Variants in ARHGAP39 observed in about 807,000 individuals in gnomAD.
ARHGAP39 encodes the protein Rho GTPase activating protein 39, also known as rho GTPase-activating protein 39.
A neutral mutation model predicts 106.9 loss-of-function variants in ARHGAP39; 44 were observed. The ratio of observed to expected loss-of-function variants is 0.41; its 90% confidence interval spans 0.32 to 0.53. ARHGAP39 has a LOEUF of 0.53. Ranked by LOEUF, ARHGAP39 falls within the 20% of genes least tolerant of loss-of-function variation. The probability of loss-of-function intolerance (pLI) is 0.21; values close to 1 mark genes in which losing one functional copy is unlikely to be tolerated. For missense variants in ARHGAP39, 1,496 were observed against 1,577.3 expected, an observed-to-expected ratio of 0.95 and a Z score of 0.87; for synonymous variants, 768 against 693.2, an observed-to-expected ratio of 1.11 and a Z score of -1.69.
chr8:144,543,225 C>T (rs1278673188), intron 6 of ARHGAP39, among the ~76,000 whole-genome samples: 1 of 152,174 alleles, frequency 6.6e-6, no homozygotes, highest in African/African-American at 2.4e-5. Context: ...ATCCTCTTGC[C>T]TTGGCCCAGA....
intron 1 of ARHGAP39, among the ~76,000 whole-genome samples, chr8:144,627,213 G>A (rs1348615876): frequency 6.6e-6 from 1 of 152,134 alleles, no homozygotes. Flanking sequence ...GGGCTCTGGT[G>A]TCACCCTTCA....
intron 1 of ARHGAP39, among the ~76,000 whole-genome samples, chr8:144,657,209 AAAAT>A (rs1456582365): frequency 3.3e-5 from 5 of 152,112 alleles, no homozygotes; most frequent in East Asian, 1.9e-4. Flanking sequence ...GTCTCTGAAA[AAAAT>A]AAATAAAATA....
chr8:144,541,914 T>C (rs1374466233), intron 6 of ARHGAP39, among the ~76,000 whole-genome samples: 1 of 152,190 alleles, frequency 6.6e-6, no homozygotes, highest in African/African-American at 2.4e-5. Context: ...TTTTAATTAT[T>C]TGAGGAACTG....
chr8:144,574,009 C>T (rs1041957605), intron 3 of ARHGAP39, among the ~76,000 whole-genome samples: 3 of 151,846 alleles, frequency 2.0e-5, no homozygotes, highest in African/African-American at 7.3e-5. Context: ...CTCGTCTCTA[C>T]TAAAAATACA....
chr8:144,693,089 G>A, the ARHGAP39 span, among the ~76,000 whole-genome samples: 1 of 89,632 alleles, frequency 1.1e-5, no homozygotes, highest in Non-Finnish European at 2.1e-5. Context: ...TATTGAGACA[G>A]AGCCTTGCTC....
chr8:144,601,144 G>A, intron 2 of ARHGAP39, among the ~76,000 whole-genome samples: 2 of 146,886 alleles, frequency 1.4e-5, no homozygotes, highest in African/African-American at 5.0e-5. Context: ...GTGCATGTGT[G>A]CTCGTGTACC....
chr8:144,658,960 T>G (rs1821760606), intron 1 of ARHGAP39, among the ~76,000 whole-genome samples: 1 of 152,006 alleles, frequency 6.6e-6, no homozygotes, highest in African/African-American at 2.4e-5. Flanking sequence ...TGAAAGACAT[T>G]TAAGAGGACC....
At position 144,547,483 on chromosome 8, in the gene ARHGAP39, G is replaced by C. The variant is rs913751412; in HGVS notation, c.1603C>G (p.Pro535Ala). ...GCCTCACCTTCCGCTCGCTTCACGGGGGCGAGGCTGGTCCCGCACGGGGGC... is the reference window on the plus strand; with the variant it reads ...GCCTCACCTTCCGCTCGCTTCACGGCGGCGAGGCTGGTCCCGCACGGGGGC... ...EQPPCGTSLA[P>A]VKRAEGEAEG... The change falls in exon 5 of 12, where the codon CCC (proline) becomes GCC (alanine). Residue 535 changes from proline to alanine, a missense_variant. Pro to Ala is a conservative substitution (Grantham distance 27). Around this residue, in one of 4 missense-constraint regions of ARHGAP39, gnomAD observed 905 missense variants for 816.4 expected, o/e 1.11. Coordinates refer to ENST00000377307, the MANE Select transcript of ARHGAP39 (RefSeq NM_025251.3). The surrounding 1 kb of genome is among the most constrained non-coding windows in gnomAD (Gnocchi z 5.2). The C allele has an allele frequency of 6.5e-7, 1 of 1,528,768 alleles. No individual in the cohort carries two copies. The highest frequency in any genetic ancestry group is 8.8e-7 in the Non-Finnish European group (1 of 1,142,160). The allele number at this position is 1,528,768 out of a possible 1,614,324, so 94.7% of individuals were successfully genotyped here.
In ARHGAP39 at chr8:144,530,785, T is replaced by TATC; in HGVS notation, c.3066_3067insGAT (p.Asp1022dup). On this transcript the variant is annotated inframe_insertion, in exon 11 of 12. Transcript: ENST00000377307. ...ACCACGGCCACCGCCGCCTCGGGGC[T>TATC]GTCGTAGTGCGCGATGCACTGCTCG... 6.2e-7 allele frequency: 1 copy of TATC among 1,611,858 alleles called. No individual in the cohort carries two copies.
rs961712994 is a variant in ARHGAP39 at position 144,641,047 on chromosome 8, C to T, written c.-81-35352G>A. 1.3e-5 allele frequency among the ~76,000 whole-genome samples: 2 copies of T among 152,126 alleles called. No individual in the cohort carries two copies. The highest frequency in any genetic ancestry group is 4.8e-5 in the African/African-American group (2 of 41,404). ...TTCCTACAATAATAAAATGTACACT[C>T]AACTAGATATTTTTATTTCTCATCT... On this transcript the variant is annotated intron_variant, in intron 1 of 11. Coordinates refer to ENST00000377307, the MANE Select transcript of ARHGAP39 (RefSeq NM_025251.3). The surrounding 1 kb of genome is among the most constrained non-coding windows in gnomAD (Gnocchi z 5.2).
Position 144,547,481 on chromosome 8 carries a change from G to C in ARHGAP39, c.1605C>G (p.Pro535=). The change falls in exon 5 of 12, where the codon CCC becomes CCG. Residue 535 remains proline (P), a synonymous_variant. Transcript: ENST00000377307. The surrounding 1 kb of genome is among the most constrained non-coding windows in gnomAD (Gnocchi z 5.2). ...EQPPCGTSLA[P]VKRAEGEAEG... Reference sequence around the variant, plus strand: ...CGGCCTCACCTTCCGCTCGCTTCACGGGGGCGAGGCTGGTCCCGCACGGGG... The same window carrying C: ...CGGCCTCACCTTCCGCTCGCTTCACCGGGGCGAGGCTGGTCCCGCACGGGG... 1.3e-6 allele frequency: 2 copies of C among 1,535,596 alleles called. No individual in the cohort carries two copies. The highest frequency in any genetic ancestry group is 1.7e-6 in the Non-Finnish European group (2 of 1,145,364).
At position 144,545,811 on chromosome 8, in the gene ARHGAP39, C is replaced by T; in HGVS notation, c.1960-1G>A. The T allele has an allele frequency of 6.5e-7, 1 of 1,530,118 alleles. No individual in the cohort carries two copies. The highest frequency in any genetic ancestry group is 8.8e-7 in the Non-Finnish European group (1 of 1,140,490). The allele number at this position is 1,530,118 out of a possible 1,614,324, so 94.8% of individuals were successfully genotyped here. On this transcript the variant is annotated splice_acceptor_variant, in intron 5 of 11. Coordinates refer to ENST00000377307, the MANE Select transcript of ARHGAP39 (RefSeq NM_025251.3). LOFTEE classifies it high-confidence loss of function. The stretch of plus-strand genomic sequence containing the variant: ...GGGCACAGGCAGCGAGGTCCTCAGA[C>T]TGAGAAGGACAAATGCGGCTGGGCT...
At chr8:144,662,909 C>T (rs890629103) in intron 1 of ARHGAP39, among the ~76,000 whole-genome samples, 3 of 149,132 alleles carry the variant, frequency 2.0e-5, no homozygotes, top group Non-Finnish European at 3.0e-5. Context: ...GGCCTATCCC[C>T]CACCCCCATT....
intron 10 of ARHGAP39, 58 bp from the exon 11 acceptor site, chr8:144,530,929 G>A (rs1816676382): frequency 1.3e-6 from 2 of 1,556,856 alleles, no homozygotes; most frequent in Non-Finnish European, 1.7e-6. Flanking sequence ...TGGGCCAAAT[G>A]GGGTCCCGTG....
chr8:144,580,965 G>A lies in ARHGAP39; in HGVS notation c.393C>T (p.Ser131=). The A allele has an allele frequency of 6.2e-7, 1 of 1,600,756 alleles. No homozygotes were observed. Among genetic ancestry groups the A allele is most frequent in the Non-Finnish European group, 8.5e-7 (1 of 1,175,302 alleles). ...GGGAGGAGCTGGTGCTGCCCTCACG[G>A]CTGACGCTGCTGCCGCGCCCGGGGC... The part of the protein sequence containing the change: ...ESSPGRGSSV[S]REGSTSSSLE... The change falls in exon 3 of 12, where the codon AGC becomes AGT. Residue 131 remains serine (S), a synonymous_variant. Coordinates refer to ENST00000377307, the MANE Select transcript of ARHGAP39 (RefSeq NM_025251.3).
In ARHGAP39 at chr8:144,530,875, G is replaced by C; in HGVS notation, c.2981-4C>G. ...TACCACAGCTTCAGCAGGGACGCTG[G>C]GGACACAGCACGGGGCTCAGCGGCC... On this transcript the variant is annotated splice_region_variant and splice_polypyrimidine_tract_variant and intron_variant, in intron 10 of 11. Coordinates refer to ENST00000377307, the MANE Select transcript of ARHGAP39 (RefSeq NM_025251.3). 1 of 1,607,302 alleles carries C rather than the reference G, an allele frequency of 6.2e-7. No homozygotes were observed. Among genetic ancestry groups the C allele is most frequent in the Non-Finnish European group, 8.5e-7 (1 of 1,178,600 alleles).
At chr8:144,660,221 A>G (rs905192158) in intron 1 of ARHGAP39, among the ~76,000 whole-genome samples, 1 of 152,302 alleles carries the variant, frequency 6.6e-6, no homozygotes, top group Non-Finnish European at 1.5e-5. Flanking sequence ...TCAGCTCTGC[A>G]GCACCTATTC....
chr8:144,669,678 G>C (rs576683910), intron 1 of ARHGAP39, among the ~76,000 whole-genome samples: 1 of 152,082 alleles, frequency 6.6e-6, no homozygotes, highest in East Asian at 1.9e-4. Flanking sequence ...CAGTCATAAA[G>C]GATAAGTAGC....
intron 1 of ARHGAP39, among the ~76,000 whole-genome samples, chr8:144,654,300 T>C (rs1297148784): frequency 1.3e-5 from 2 of 151,078 alleles, no homozygotes; most frequent in African/African-American, 2.4e-5. Flanking sequence ...AGCCCAGGAG[T>C]GTGGGACCAG....
Sources: gnomAD v4.1 joint callset for allele counts (sites outside exome capture counted in the v4.1 genomes callset) on GRCh38, gnomAD v4.1.1 for gene constraint, gnomAD v4.1.1 regional missense constraint, Gnocchi (gnomAD v3.1) non-coding constraint, MANE v1.5 for transcripts, NCBI Gene and HGNC (gene_info 2026-07-23, HGNC 2026-07-21) for gene names.